Variants in KLHDC2 observed in about 807,000 individuals in gnomAD.
KLHDC2 encodes the protein kelch domain containing 2, also known as kelch domain-containing protein 2.
KLHDC2 carries 38 observed loss-of-function variants against 62.3 expected under a neutral mutation model. The ratio of observed to expected loss-of-function variants is 0.61; its 90% CI spans 0.47 to 0.80. KLHDC2 has a LOEUF of 0.80. KLHDC2 is among the 30% of genes least tolerant of loss of function. The pLI, the probability that KLHDC2 is intolerant of heterozygous loss-of-function variation, is 0.00. For missense variants in KLHDC2, 430 were observed against 495.3 expected, an observed-to-expected ratio of 0.87 and a Z score of 1.25; for synonymous variants, 159 against 161.0, an observed-to-expected ratio of 0.99 and a Z score of 0.09.
In KLHDC2 at chr14:49,784,429, A is replaced by G. The variant is rs1890061005; in HGVS notation, c.*1476A>G. On this transcript the variant is annotated 3_prime_UTR_variant, in exon 13 of 13. Transcript: ENST00000298307. ...ATTAATTAGCATTTAACTGTCCACA[A>G]ATACTTTTGGAAATCCTATCATAGA... 2 of 469,628 alleles carry G rather than the reference A, an allele frequency of 4.3e-6. No individual in the cohort carries two copies. Among genetic ancestry groups the G allele is most frequent in the South Asian group, 8.3e-5 (2 of 24,028 alleles). 29.1% of individuals were successfully genotyped at this position (469,628 alleles called of 1,614,324 possible).
chr14:49,773,667 C>T (rs1889711781), intron 2 of KLHDC2, among the ~76,000 whole-genome samples: 1 of 151,030 alleles, frequency 6.6e-6, no homozygotes, highest in South Asian at 2.1e-4. Context: ...AGCTCCGCCT[C>T]CTGGCTTCAC....
intron 3 of KLHDC2, among the ~76,000 whole-genome samples, chr14:49,777,197 T>G (rs572897260): frequency 6.6e-6 from 1 of 151,832 alleles, no homozygotes; most frequent in South Asian, 2.1e-4. Context: ...AGCTAAGCTA[T>G]GAGGATGCAA....
chr14:49,783,707 A>G lies in KLHDC2; in HGVS notation c.*754A>G, dbSNP rs1890026103. The G allele has an allele frequency of 6.6e-6, 1 of 152,134 alleles. No homozygotes were observed. Among genetic ancestry groups the G allele is most frequent in the Non-Finnish European group, 1.5e-5 (1 of 68,016 alleles). The allele number at this position is 152,134 out of a possible 1,614,324, so 9.4% of individuals were successfully genotyped here. On this transcript the variant is annotated 3_prime_UTR_variant, in exon 13 of 13. Coordinates refer to ENST00000298307, the MANE Select transcript of KLHDC2 (RefSeq NM_014315.3). ...CTCTAACGTGCTATATTGGTAATTA[A>G]TTACTAAAGGTGGAAATTAAAATGG...
chr14:49,768,842 G>T (rs1889600453), intron 1 of KLHDC2: 1 of 506,444 alleles, frequency 2.0e-6, no homozygotes, highest in South Asian at 2.7e-5. Flanking sequence ...CTGCTGTCAT[G>T]TCACCCTGGT....
At position 49,777,955 on chromosome 14, in the gene KLHDC2, G is replaced by GT; in HGVS notation, c.467+2dup. Reference sequence around the variant, plus strand: ...TTGGTGTCTGGGTATATAAAAACAAGTAAGTTGGCAGCACTACAGGTTTGG... The same window carrying GT: ...TTGGTGTCTGGGTATATAAAAACAAGTTAAGTTGGCAGCACTACAGGTTTGG... On this transcript the variant is annotated splice_donor_variant, in intron 4 of 12. Transcript: ENST00000298307. LOFTEE classifies it high-confidence loss of function. The GT allele has an allele frequency of 1.3e-6, 2 of 1,567,262 alleles. No homozygotes were observed. Among genetic ancestry groups the GT allele is most frequent in the African/African-American group, 1.4e-5 (1 of 73,926 alleles).
intron 1 of KLHDC2, 137 bp downstream of exon 1, chr14:49,768,758 CGTTG>C: frequency 2.6e-6 from 2 of 774,574 alleles, no homozygotes; most frequent in Non-Finnish European, 3.8e-6. Flanking sequence ...AGACTCTGCC[CGTTG>C]GTTGTTTTTT....
intron 10 of KLHDC2, 61 bp downstream of exon 10, chr14:49,780,836 G>GGATATAATGCAGCCAAAA: frequency 2.2e-6 from 2 of 890,228 alleles, no homozygotes; most frequent in Non-Finnish European, 3.8e-6. Flanking sequence ...GGTTTTGGCT[G>GGATATAATGCAGCCAAAA]CATTATATCC....
rs373302126 is a variant in KLHDC2, at chr14:49,782,903, C to T, written c.1171C>T (p.Leu391Phe). The change falls in exon 13 of 13, where the codon CTT (leucine) becomes TTT (phenylalanine). Residue 391 changes from leucine to phenylalanine, a missense_variant. Physicochemically the swap from Leu to Phe is conservative, Grantham distance 22. Transcript: ENST00000298307. ...NSWNCLPKHL[L>F]HSVNQRFGSN... ...ATGGAACTGCCTTCCAAAACACTTA[C>T]TTCACAGTGTTAATCAGAGGTTTGG... 1.4e-5 allele frequency: 22 copies of T among 1,613,052 alleles called. No individual in the cohort carries two copies. The highest frequency in any genetic ancestry group is 1.6e-5 in the Non-Finnish European group (19 of 1,179,186).
Position 49,783,229 on chromosome 14 carries a change from G to GTATC in KLHDC2, c.*278_*281dup, listed in dbSNP as rs1889996298. Reference sequence around the variant, plus strand: ...TTTCTTTTCAGTAACTTCAGGATATGTATCTGTAGAAACATTATAGTCTTA... The same window carrying GTATC: ...TTTCTTTTCAGTAACTTCAGGATATGTATCTATCTGTAGAAACATTATAGTCTTA... On this transcript the variant is annotated 3_prime_UTR_variant, in exon 13 of 13. Transcript: ENST00000298307. 6 of 257,660 alleles carry GTATC rather than the reference G, an allele frequency of 2.3e-5. No individual in the cohort carries two copies. In the South Asian group the frequency reaches 4.9e-4, roughly 21 times the overall value. The allele number at this position is 257,660 out of a possible 1,614,324, so 16.0% of individuals were successfully genotyped here.
chr14:49,776,145 G>C (rs940756675), intron 3 of KLHDC2, among the ~76,000 whole-genome samples: 1 of 152,138 alleles, frequency 6.6e-6, no homozygotes, highest in Non-Finnish European at 1.5e-5. Flanking sequence ...TTAGTATTTT[G>C]CTTGAAGAAA....
chr14:49,773,136 G>A (rs554581335), intron 2 of KLHDC2, among the ~76,000 whole-genome samples: 3 of 152,046 alleles, frequency 2.0e-5, no homozygotes, highest in Non-Finnish European at 2.9e-5. Context: ...TTAAGGGGCC[G>A]GGCACGGTGG....
intron 2 of KLHDC2, among the ~76,000 whole-genome samples, chr14:49,771,972 C>G (rs1216165572): frequency 6.6e-6 from 1 of 152,048 alleles, no homozygotes; most frequent in Non-Finnish European, 1.5e-5. Context: ...GTCTGGGTGA[C>G]AGAGCAAAAC....
intron 2 of KLHDC2, among the ~76,000 whole-genome samples, chr14:49,773,413 C>CAAA (rs34740472): frequency 0.061 from 4,235 of 69,862 alleles, 287 homozygotes; most frequent in Middle Eastern, 0.13. Context: ...GACTCCATCT[C>CAAA]AAAAAAAAAA....
Position 49,784,475 on chromosome 14 carries a change from A to C in KLHDC2, c.*1522A>C. ...ATAGACAGTGTTTCCTCTATATAAA[A>C]CTGGGAAAAAACAAGAAGTAAGTCC... On this transcript the variant is annotated 3_prime_UTR_variant, in exon 13 of 13. Coordinates refer to ENST00000298307, the MANE Select transcript of KLHDC2 (RefSeq NM_014315.3). The C allele has an allele frequency of 5.2e-6, 3 of 582,492 alleles. No individual in the cohort carries two copies. The South Asian group carries it at 7.2e-5, about 14-fold the overall frequency. The allele number at this position is 582,492 out of a possible 1,614,324, so 36.1% of individuals were successfully genotyped here.
At chr14:49,782,325 CT>C in intron 10 of KLHDC2, 44 bp from the exon 11 acceptor site, 1 of 1,322,526 alleles carries the variant, frequency 7.6e-7, no homozygotes, top group Non-Finnish European at 1.1e-6. Flanking sequence ...AAATGGCCAA[CT>C]GGTGTTCTGG....
chr14:49,768,609 G>C lies in KLHDC2; in HGVS notation c.141G>C (p.Trp47Cys), dbSNP rs1205305550. ...AVSDGRHMFV[W>C]GGYKSNQVRG... ...GCGACGGGCGCCACATGTTCGTCTG[G>C]GGCGGCTACAAGGTCAGTGAGTGGC... Residue 47 changes from tryptophan to cysteine, a missense_variant, in exon 1 of 13, where the codon TGG becomes TGC. By Grantham distance (215) the Trp-to-Cys change is radical. Coordinates refer to ENST00000298307, the MANE Select transcript of KLHDC2 (RefSeq NM_014315.3). The C allele has an allele frequency of 6.3e-7, 1 of 1,596,734 alleles. No individual in the cohort carries two copies. The highest frequency in any genetic ancestry group is 2.3e-5 in the East Asian group (1 of 43,672).
In KLHDC2 at chr14:49,774,170, C is replaced by G. The variant is rs561322264; in HGVS notation, c.234-391C>G. On this transcript the variant is annotated intron_variant, in intron 2 of 12. Coordinates refer to ENST00000298307, the MANE Select transcript of KLHDC2 (RefSeq NM_014315.3). Reference sequence around the variant, plus strand: ...ACTGAAGAAAAAACACTGAATTAATCTATCAGCACTGGGAATGTTGAGGTT... The same window carrying G: ...ACTGAAGAAAAAACACTGAATTAATGTATCAGCACTGGGAATGTTGAGGTT... 2.0e-5 allele frequency among the ~76,000 whole-genome samples: 3 copies of G among 152,330 alleles called. No individual in the cohort carries two copies. The East Asian group carries it at 5.8e-4, about 29-fold the overall frequency.
At chr14:49,770,302 A>G (rs1057328455) in intron 1 of KLHDC2, among the ~76,000 whole-genome samples, 1 of 152,050 alleles carries the variant, frequency 6.6e-6, no homozygotes, top group Admixed American at 6.5e-5. Flanking sequence ...GTCCTTGGAG[A>G]TTGTTTCAAA....
At chr14:49,773,865 C>G (rs138714556) in intron 2 of KLHDC2, among the ~76,000 whole-genome samples, 1 of 152,132 alleles carries the variant, frequency 6.6e-6, no homozygotes, top group South Asian at 2.1e-4. Flanking sequence ...CATGAGCCAC[C>G]GCGCCCAGCC....
Sources: allele counts gnomAD v4.1 joint callset (sites outside exome capture counted in the v4.1 genomes callset), GRCh38; gene constraint gnomAD v4.1.1; transcripts MANE v1.5; gene names NCBI Gene and HGNC (gene_info 2026-07-23, HGNC 2026-07-21).